HUNK: variants seen among roughly 807,000 people sequenced by gnomAD.
HUNK encodes the protein hormonally up-regulated Neu-associated kinase.
In HUNK, 21 loss-of-function variants were observed where a neutral mutation model predicts 61.0. The ratio of observed to expected loss-of-function variants is 0.34; its 90% CI spans 0.24 to 0.50. HUNK has a LOEUF of 0.50. HUNK is among the 20% of genes least tolerant of loss of function. The pLI, the probability that HUNK is intolerant of heterozygous loss-of-function variation, is 0.98. For synonymous variants in HUNK, 371 were observed against 386.1 expected, an observed-to-expected ratio of 0.96 and a Z score of 0.46; for missense variants, 772 against 945.7, an observed-to-expected ratio of 0.82 and a Z score of 2.41.
intron 1 of HUNK, among the ~76,000 whole-genome samples, chr21:31,892,178 TATAGAGAG>T (rs1464369338): frequency 0.024 from 2,453 of 103,828 alleles, 41 homozygotes; most frequent in East Asian, 0.17. Flanking sequence ...TATATATATA[TATAGAGAG>T]AGAGAGAGAG....
In HUNK at chr21:31,990,183, A is replaced by G. The variant is rs371464981; in HGVS notation, c.1305+7A>G. ...TGAATTCCATGCCGTGCAGGTAAGA[A>G]CTTGGGGGATTATTATGTTAGTCAG... On this transcript the variant is annotated splice_region_variant and intron_variant, in intron 9 of 10. Transcript: ENST00000270112. 2.9e-5 allele frequency: 46 copies of G among 1,612,772 alleles called. No homozygotes were observed. Among genetic ancestry groups the G allele is most frequent in the African/African-American group, 4.0e-5 (3 of 74,874 alleles).
intron 1 of HUNK, among the ~76,000 whole-genome samples, chr21:31,914,182 C>A (rs554484680): frequency 2.0e-3 from 298 of 151,822 alleles, no homozygotes; most frequent in African/African-American, 5.8e-3. Context: ...CCAAGGCGGG[C>A]GGATCACCTG....
chr21:31,896,971 G>A (rs759261671), intron 1 of HUNK, among the ~76,000 whole-genome samples: 9 of 152,134 alleles, frequency 5.9e-5, no homozygotes, highest in Admixed American at 2.0e-4. Context: ...AGGGCCAGGC[G>A]CGGTGGCTCA....
intron 9 of HUNK, among the ~76,000 whole-genome samples, chr21:31,994,536 C>T (rs2053190652): frequency 6.6e-6 from 1 of 152,110 alleles, no homozygotes; most frequent in South Asian, 2.1e-4. Flanking sequence ...AAAGAAGAGT[C>T]TTTTTTTCCT....
At chr21:31,878,265 A>G (rs1442565376) in intron 1 of HUNK, among the ~76,000 whole-genome samples, 1 of 151,662 alleles carries the variant, frequency 6.6e-6, no homozygotes, top group Non-Finnish European at 1.5e-5. Flanking sequence ...TCTCAAAAAA[A>G]AAAAAAAAAA....
intron 1 of HUNK, among the ~76,000 whole-genome samples, chr21:31,894,033 C>T (rs991114060): frequency 4.6e-5 from 7 of 152,154 alleles, no homozygotes; most frequent in African/African-American, 1.4e-4. Context: ...CCCGAGGCTG[C>T]GTTATTCTTG....
At chr21:31,943,922 C>A (rs1273484068) in intron 3 of HUNK, among the ~76,000 whole-genome samples, 1 of 152,208 alleles carries the variant, frequency 6.6e-6, no homozygotes, top group East Asian at 1.9e-4. Context: ...TGAAATTGGG[C>A]CTCCCCAGCT....
intron 2 of HUNK, among the ~76,000 whole-genome samples, chr21:31,926,404 A>G (rs2052660211): frequency 6.6e-6 from 1 of 152,148 alleles, no homozygotes; most frequent in Non-Finnish European, 1.5e-5. Context: ...TTTTTAGTGT[A>G]TTCACAGAGT....
At chr21:31,874,188 CG>C (rs2052240260) in intron 1 of HUNK, among the ~76,000 whole-genome samples, 1 of 148,842 alleles carries the variant, frequency 6.7e-6, no homozygotes, top group African/African-American at 2.5e-5. Flanking sequence ...GCGTCCCGCG[CG>C]GCCGTTCTGC....
At chr21:31,952,430 A>G (rs1247274407) in intron 4 of HUNK, among the ~76,000 whole-genome samples, 1 of 152,100 alleles carries the variant, frequency 6.6e-6, no homozygotes, top group East Asian at 1.9e-4. Context: ...TCCTGTCCAC[A>G]TGCCCCTTAA....
chr21:31,915,416 T>A (rs764939160), intron 1 of HUNK, among the ~76,000 whole-genome samples: 24 of 152,202 alleles, frequency 1.6e-4, no homozygotes, highest in Non-Finnish European at 2.9e-4. Context: ...CCATTCCCTG[T>A]GCATTTTGAT....
At chr21:31,957,030 C>T (rs557525443) in intron 4 of HUNK, among the ~76,000 whole-genome samples, 2 of 152,350 alleles carry the variant, frequency 1.3e-5, no homozygotes, top group African/African-American at 4.8e-5. Context: ...CACACACATG[C>T]AGTCACTACC....
chr21:31,996,946 C>T (rs2053210050), intron 10 of HUNK, among the ~76,000 whole-genome samples: 1 of 152,248 alleles, frequency 6.6e-6, no homozygotes, highest in South Asian at 2.1e-4. Context: ...GCAGCTGGAA[C>T]ACTGGAGACC....
At position 31,924,506 on chromosome 21, in the gene HUNK, G is replaced by T. The variant is rs781669281; in HGVS notation, c.300G>T (p.Lys100Asn). 1.2e-6 allele frequency: 2 copies of T among 1,614,058 alleles called. No homozygotes were observed. Among genetic ancestry groups the T allele is most frequent in the South Asian group, 2.2e-5 (2 of 91,064 alleles). The change falls in exon 2 of 11, where the codon AAG becomes AAT. Residue 100 changes from lysine to asparagine, a missense_variant. Lys to Asn is a moderately conservative substitution (Grantham distance 94, BLOSUM62 0). This residue lies in a region of HUNK where 359 missense variants were observed against 501.3 expected (regional missense o/e 0.72). Transcript: ENST00000270112. The surrounding 1 kb of genome is among the most constrained non-coding windows in gnomAD (Gnocchi z 5.1). Reference sequence around the variant, plus strand: ...TCATTGATAAGAAGAGAGCCAAAAAGGACACCTATGTCACCAAAAACCTGC... The same window carrying T: ...TCATTGATAAGAAGAGAGCCAAAAATGACACCTATGTCACCAAAAACCTGC... Reference protein sequence around the residue: ...IKVIDKKRAKKDTYVTKNLRR... With the variant: ...IKVIDKKRAKNDTYVTKNLRR...
intron 1 of HUNK, among the ~76,000 whole-genome samples, chr21:31,880,064 A>AG (rs1269256859): frequency 6.6e-6 from 1 of 152,204 alleles, no homozygotes; most frequent in Non-Finnish European, 1.5e-5. Flanking sequence ...GTCCCCGAGG[A>AG]GGGGGATGCC....
chr21:31,873,647 A>T lies in HUNK; in HGVS notation c.-28A>T. The T allele has an allele frequency of 2.4e-5, 21 of 878,020 alleles. No homozygotes were observed. The highest frequency in any genetic ancestry group is 2.7e-5 in the Non-Finnish European group (21 of 786,242). 54.4% of individuals were successfully genotyped at this position (878,020 alleles called of 1,614,324 possible). A position where few individuals can be genotyped will look rare whatever the true frequency, so the allele number is the denominator to read the frequency against. The stretch of plus-strand genomic sequence containing the variant: ...GGAGCTGCGAGCGCGGGAGACGAGC[A>T]GGAGCCGCGCGGGCCGCGGCGAGCG... On this transcript the variant is annotated 5_prime_UTR_variant, in exon 1 of 11. Transcript: ENST00000270112. The surrounding 1 kb of genome is among the most constrained non-coding windows in gnomAD (Gnocchi z 6.1).
intron 4 of HUNK, among the ~76,000 whole-genome samples, chr21:31,948,050 A>G (rs1425505834): frequency 6.6e-6 from 1 of 152,188 alleles, no homozygotes; most frequent in African/African-American, 2.4e-5. Flanking sequence ...CTATTACCCT[A>G]TTTTATGGAA....
intron 8 of HUNK, among the ~76,000 whole-genome samples, chr21:31,987,431 T>A (rs1440449420): frequency 6.6e-6 from 1 of 152,284 alleles, no homozygotes; most frequent in African/African-American, 2.4e-5. Flanking sequence ...AGGTGGCCCC[T>A]AAGCCAACTT....
chr21:31,873,716 G>C lies in HUNK; in HGVS notation c.42G>C (p.Ala14=). 1 of 1,190,474 alleles carries C rather than the reference G, an allele frequency of 8.4e-7. No individual in the cohort carries two copies. 73.7% of individuals were successfully genotyped at this position (1,190,474 alleles called of 1,614,324 possible). Residue 14 remains alanine (A), a synonymous_variant, in exon 1 of 11, where the codon GCG becomes GCC. Transcript: ENST00000270112. This position sits in a 1 kb window ranked among gnomAD's most constrained non-coding sequence, Gnocchi z 6.1. ...GGGACGGGCTCCTGGGGGAGCCGGCGGCGCCTGGGGGCGGCGGCGGCGCGG... is the reference window on the plus strand; with the variant it reads ...GGGACGGGCTCCTGGGGGAGCCGGCCGCGCCTGGGGGCGGCGGCGGCGCGG... The part of the protein sequence containing the change: ...AAGDGLLGEP[A]APGGGGGAED...
Sources: gnomAD v4.1 joint callset for allele counts (sites outside exome capture counted in the v4.1 genomes callset) on GRCh38, gnomAD v4.1.1 for gene constraint, gnomAD v4.1.1 regional missense constraint, Gnocchi (gnomAD v3.1) non-coding constraint, MANE v1.5 for transcripts, NCBI Gene and HGNC (gene_info 2026-07-23, HGNC 2026-07-21) for gene names.